The following TENM3 variants were observed in gnomAD, a reference collection of about 807,000 sequenced individuals.
TENM3 encodes the protein teneurin-3.
TENM3 carries 63 observed loss-of-function variants against 255.1 expected under a neutral mutation model. That is an observed-to-expected ratio of 0.25 (90% CI 0.20 to 0.30). The LOEUF (loss-of-function observed/expected upper bound fraction) is 0.30. Among genes scored for constraint, TENM3 ranks in the 10% least tolerant of loss-of-function variants. TENM3 has a pLI of 1.00. For synonymous variants in TENM3, 1,306 were observed against 1,322.3 expected (o/e 0.99, Z 0.27); for missense variants, 2,929 against 3,461.1 (o/e 0.85, Z 3.86).
intron 1 of TENM3, among the ~76,000 whole-genome samples, chr4:182,148,042 C>G (rs1166179570): frequency 6.6e-6 from 1 of 151,908 alleles, no homozygotes; most frequent in Non-Finnish European, 1.5e-5. Flanking sequence ...TAAAATAAAC[C>G]TTAGTCTGAA....
the TENM3 span, among the ~76,000 whole-genome samples, chr4:181,585,147 A>C: frequency 6.6e-6 from 1 of 152,152 alleles, no homozygotes; most frequent in South Asian, 2.1e-4. Context: ...GCAACTAAAC[A>C]TGCATATTTC....
At chr4:181,669,240 T>C in the TENM3 span, among the ~76,000 whole-genome samples, 1 of 152,192 alleles carries the variant, frequency 6.6e-6, no homozygotes, top group Non-Finnish European at 1.5e-5. Context: ...GTAAATTCAT[T>C]ACATACTAAT....
chr4:181,918,212 G>A, the TENM3 span, among the ~76,000 whole-genome samples: 1 of 152,018 alleles, frequency 6.6e-6, no homozygotes, highest in East Asian at 1.9e-4. Context: ...ATGGCTTTCT[G>A]AATAGTATTA....
At chr4:182,726,130 A>G (rs1444510752) in intron 13 of TENM3, among the ~76,000 whole-genome samples, 2 of 152,194 alleles carry the variant, frequency 1.3e-5, no homozygotes, top group Non-Finnish European at 2.9e-5. Context: ...AATTATGGTA[A>G]CAAAAAACTT....
intron 5 of TENM3, among the ~76,000 whole-genome samples, chr4:182,634,707 TAAAAA>T (rs11395245): frequency 1.7e-5 from 2 of 116,414 alleles, no homozygotes; most frequent in African/African-American, 3.0e-5. Context: ...ACTCTGAAAT[TAAAAA>T]AAAAAAAAAA....
At chr4:182,075,191 G>GTTT in the TENM3 span, among the ~76,000 whole-genome samples, 2 of 116,698 alleles carry the variant, frequency 1.7e-5, no homozygotes, top group Admixed American at 8.3e-5. Context: ...GTGGACACTT[G>GTTT]TTTTTTTTCT....
the TENM3 span, among the ~76,000 whole-genome samples, chr4:181,848,018 T>A: frequency 7.9e-5 from 12 of 152,306 alleles, no homozygotes; most frequent in East Asian, 2.3e-3. Flanking sequence ...TGGTTATTTT[T>A]AAATTATTAT....
the TENM3 span, among the ~76,000 whole-genome samples, chr4:182,076,983 G>A: frequency 1.3e-5 from 2 of 152,108 alleles, no homozygotes; most frequent in Non-Finnish European, 2.9e-5. Flanking sequence ...TTCATTAGAG[G>A]ATAAATCCCT....
chr4:182,079,550 C>G, the TENM3 span: 1 of 151,932 alleles, frequency 6.6e-6, no homozygotes, highest in African/African-American at 2.4e-5. Context: ...ACAACCAGAC[C>G]AACAAATAAG....
At chr4:181,528,953 T>G in the TENM3 span, among the ~76,000 whole-genome samples, 1 of 152,220 alleles carries the variant, frequency 6.6e-6, no homozygotes, top group Non-Finnish European at 1.5e-5. Flanking sequence ...TATAAATATA[T>G]GTCTATATTT....
At chr4:182,644,084 GT>G (rs1486232103) in intron 5 of TENM3, among the ~76,000 whole-genome samples, 1 of 152,168 alleles carries the variant, frequency 6.6e-6, no homozygotes, top group African/African-American at 2.4e-5. Context: ...ACTCCTCAGG[GT>G]TCTGGTGGCA....
chr4:182,590,538 CAAAAAAAAAAAAAA>C (rs34681777), intron 3 of TENM3, among the ~76,000 whole-genome samples: 2 of 79,962 alleles, frequency 2.5e-5, no homozygotes, highest in East Asian at 3.8e-4. Context: ...GACCCTGTCT[CAAAAAAAAAAAAAA>C]AAAAAAAAAG....
the TENM3 span, among the ~76,000 whole-genome samples, chr4:181,530,736 T>C: frequency 2.6e-5 from 4 of 152,358 alleles, no homozygotes; most frequent in South Asian, 8.3e-4. Context: ...TGGATGTTGA[T>C]TCAACAACAA....
At chr4:182,580,538 CTGTGAG>C in intron 3 of TENM3, among the ~76,000 whole-genome samples, 1 of 151,954 alleles carries the variant, frequency 6.6e-6, no homozygotes, top group Non-Finnish European at 1.5e-5. Flanking sequence ...GACCATTTCA[CTGTGAG>C]TGTAACTTCC....
At chr4:182,425,664 C>T (rs888832907) in intron 3 of TENM3, among the ~76,000 whole-genome samples, 2 of 152,088 alleles carry the variant, frequency 1.3e-5, no homozygotes, top group Non-Finnish European at 2.9e-5. Context: ...ATATATTGCC[C>T]TCTTTCGCAG....
At chr4:181,638,775 C>T in the TENM3 span, among the ~76,000 whole-genome samples, 1 of 151,942 alleles carries the variant, frequency 6.6e-6, no homozygotes, top group African/African-American at 2.4e-5. Context: ...ATAAAAACTG[C>T]AAATATATAT....
chr4:182,521,653 A>G (rs1467338870), intron 3 of TENM3, among the ~76,000 whole-genome samples: 3 of 152,238 alleles, frequency 2.0e-5, no homozygotes, highest in Non-Finnish European at 4.4e-5. Flanking sequence ...TGAAAAGTAT[A>G]AAATATTTTT....
At chr4:181,673,716 C>A in the TENM3 span, among the ~76,000 whole-genome samples, 1 of 152,062 alleles carries the variant, frequency 6.6e-6, no homozygotes, top group African/African-American at 2.4e-5. Context: ...TTATTTCATA[C>A]TATTGTTTGT....
the TENM3 span, among the ~76,000 whole-genome samples, chr4:181,477,898 G>A: frequency 6.6e-6 from 1 of 152,100 alleles, no homozygotes; most frequent in African/African-American, 2.4e-5. Flanking sequence ...TGCAGTAAGA[G>A]ATTTTTAAAT....
Sources: allele counts gnomAD v4.1 joint callset (sites outside exome capture counted in the v4.1 genomes callset), GRCh38; gene constraint gnomAD v4.1.1; transcripts MANE v1.5; gene names NCBI Gene and HGNC (gene_info 2026-07-23, HGNC 2026-07-21).